The following PYGB variants were observed in gnomAD, a reference collection of about 807,000 sequenced individuals.
The protein encoded by PYGB is glycogen phosphorylase B, also known as glycogen phosphorylase, brain form.
PYGB carries 82 observed loss-of-function variants against 94.3 expected under a neutral mutation model. The observed-to-expected ratio is 0.87, with a 90% CI of 0.73 to 1.04. The LOEUF is 1.04. Among genes scored for constraint, PYGB ranks in the 50% least tolerant of loss-of-function variants. PYGB has a pLI of 0.00. For synonymous variants in PYGB, 488 were observed against 479.1 expected, an observed-to-expected ratio of 1.02 and a Z score of -0.24; for missense variants, 1,132 against 1,158.2, an observed-to-expected ratio of 0.98 and a Z score of 0.33.
At chr20:25,288,269 G>A (rs1275922021) in intron 14 of PYGB, 156 bp from the exon 15 acceptor site, 1 of 843,590 alleles carries the variant, frequency 1.2e-6, no homozygotes, top group Non-Finnish European at 2.0e-6. Context: ...GGTGGCCAGT[G>A]GCCCTGTGCC....
chr20:25,295,367 G>A (rs563082115), intron 18 of PYGB, among the ~76,000 whole-genome samples: 2 of 152,388 alleles, frequency 1.3e-5, no homozygotes, highest in Admixed American at 1.3e-4. Context: ...GGAGTGTTGG[G>A]TTGAAATAAG....
At chr20:25,249,101 G>GT (rs1246828557) in intron 1 of PYGB, among the ~76,000 whole-genome samples, 1 of 151,318 alleles carries the variant, frequency 6.6e-6, no homozygotes, top group Non-Finnish European at 1.5e-5. Context: ...GCAAAAATTT[G>GT]TTTGAGTAGT....
chr20:25,261,977 A>T (rs1196049788), intron 2 of PYGB, among the ~76,000 whole-genome samples: 2 of 152,214 alleles, frequency 1.3e-5, no homozygotes, highest in Admixed American at 1.3e-4. Context: ...ATATGGGACT[A>T]TGTGAAGAGA....
intron 2 of PYGB, among the ~76,000 whole-genome samples, chr20:25,265,895 G>A (rs960973677): frequency 1.3e-5 from 2 of 152,068 alleles, no homozygotes; most frequent in East Asian, 1.9e-4. Context: ...ATGCCCGGCC[G>A]ATTTTTGTTG....
intron 3 of PYGB, among the ~76,000 whole-genome samples, chr20:25,269,842 G>A (rs1374241675): frequency 6.6e-6 from 1 of 152,106 alleles, no homozygotes; most frequent in South Asian, 2.1e-4. Flanking sequence ...CCCCGGCCCC[G>A]AGACCTGCTT....
chr20:25,284,150 T>G lies in PYGB; in HGVS notation c.1667T>G (p.Val556Gly). The stretch of plus-strand genomic sequence containing the variant: ...GCCTTCCTGGAGAAGGAGTACAAGG[T>G]GAAGATCAACCCCTCCTCCATGTTC... ...FSAFLEKEYK[V>G]KINPSSMFDV... The change falls in exon 14 of 20, where the codon GTG becomes GGG. Residue 556 changes from valine to glycine, a missense_variant. Transcript: ENST00000216962. 5.0e-6 allele frequency: 8 copies of G among 1,613,912 alleles called. No individual in the cohort carries two copies. The highest frequency in any genetic ancestry group is 6.8e-6 in the Non-Finnish European group (8 of 1,179,944).
intron 18 of PYGB, chr20:25,294,872 C>T (rs1435271746): frequency 1.5e-5 from 21 of 1,359,402 alleles, no homozygotes; most frequent in Non-Finnish European, 2.0e-5. Context: ...TTGAATCCGG[C>T]GAGGGCTGGG....
In PYGB at chr20:25,280,364, G is replaced by A. The variant is rs2088354715; in HGVS notation, c.1191G>A (p.Leu397=). The change falls in exon 10 of 20, where the codon CTG becomes CTA. Residue 397 remains leucine, a synonymous_variant. Coordinates refer to ENST00000216962, the MANE Select transcript of PYGB (RefSeq NM_002862.4). ...RWPVSMFEKL[L]PRHLEIIYAI... ...CCGTGTCCATGTTTGAGAAGCTGCT[G>A]CCGCGGCACCTGGAGATAATCTATG... 1 of 1,614,096 alleles carries A rather than the reference G, an allele frequency of 6.2e-7. No homozygotes were observed. The highest frequency in any genetic ancestry group is 1.1e-5 in the South Asian group (1 of 91,090).
Position 25,292,578 on chromosome 20 carries a change from G to T in PYGB, c.2142G>T (p.Leu714=). The T allele has an allele frequency of 4.3e-6, 7 of 1,612,882 alleles. No homozygotes were observed. Among genetic ancestry groups the T allele is most frequent in the Non-Finnish European group, 5.9e-6 (7 of 1,179,974 alleles). Residue 714 remains leucine, a synonymous_variant, in exon 17 of 20, where the codon CTG becomes CTT. Transcript: ENST00000216962. ...CCGAGAACCTCTTCATCTTCGGCCT[G>T]CGGGTGGAGGATGTCGAGGCCTTGG... ...AGAENLFIFG[L]RVEDVEALDR...
rs1458984805 is a variant in PYGB at position 25,283,235 on chromosome 20, C to T, written c.1578C>T (p.Val526=). ...AGCTGAAGAAGCTGCTGCCGCTGGT[C>T]AGTGACGAGGTGTTCATCAGGGACG... ...LSQLKKLLPL[V]SDEVFIRDVA... Residue 526 remains valine, a synonymous_variant, in exon 13 of 20, where the codon GTC becomes GTT. Transcript: ENST00000216962. The T allele has an allele frequency of 6.2e-7, 1 of 1,613,860 alleles. No individual in the cohort carries two copies. The highest frequency in any genetic ancestry group is 8.5e-7 in the Non-Finnish European group (1 of 1,179,906).
At chr20:25,281,597 G>A (rs527239929) in intron 11 of PYGB, among the ~76,000 whole-genome samples, 2 of 152,234 alleles carry the variant, frequency 1.3e-5, no homozygotes, top group African/African-American at 2.4e-5. Context: ...CGGCGGGAGC[G>A]GAGGCTGTGC....
chr20:25,254,716 C>G (rs566743305), intron 1 of PYGB, among the ~76,000 whole-genome samples: 55 of 152,296 alleles, frequency 3.6e-4, no homozygotes, highest in African/African-American at 1.2e-3. Flanking sequence ...GTCCAGATCA[C>G]TTAGTGTAAG....
At chr20:25,286,237 C>T (rs1325944306) in intron 14 of PYGB, among the ~76,000 whole-genome samples, 1 of 152,218 alleles carries the variant, frequency 6.6e-6, no homozygotes, top group African/African-American at 2.4e-5. Context: ...GTTTGGTTTT[C>T]TGCTTCTGGG....
At chr20:25,270,633 G>C (rs1355560279) in intron 3 of PYGB, among the ~76,000 whole-genome samples, 2 of 152,084 alleles carry the variant, frequency 1.3e-5, no homozygotes, top group Admixed American at 6.5e-5. Flanking sequence ...GAGTAGCTGG[G>C]ACCACAGGCA....
chr20:25,289,013 C>T (rs948169289), intron 15 of PYGB, among the ~76,000 whole-genome samples: 1 of 152,208 alleles, frequency 6.6e-6, no homozygotes, highest in African/African-American at 2.4e-5. Flanking sequence ...TGGGGTGCAG[C>T]GTCCTTAGGA....
chr20:25,277,466 GCA>G (rs915556432), intron 7 of PYGB, 140 bp downstream of exon 7: 9 of 727,158 alleles, frequency 1.2e-5, no homozygotes, highest in Middle Eastern at 2.5e-4. Context: ...CGCCTTAGGT[GCA>G]CACACGATGC....
At chr20:25,288,648 A>T in intron 15 of PYGB, 165 bp downstream of exon 15, 1 of 773,372 alleles carries the variant, frequency 1.3e-6, no homozygotes, top group Non-Finnish European at 2.1e-6. Flanking sequence ...CCCTGTAGAG[A>T]GTCAGAATGG....
At chr20:25,274,761 C>T (rs951573749) in intron 5 of PYGB, 38 bp downstream of exon 5, 6 of 1,600,776 alleles carry the variant, frequency 3.7e-6, no homozygotes, top group South Asian at 1.1e-5. Flanking sequence ...AGGCTGGAGC[C>T]AGGTGAGGGG....
In PYGB at chr20:25,282,154, C is replaced by T. The variant is rs1176057602; in HGVS notation, c.1518+7C>T. On this transcript the variant is annotated splice_region_variant and intron_variant, in intron 12 of 19. Transcript: ENST00000216962. ...GGCCGATACCATCGTGGAGGTGAGTCCCGGGCCCCACCCGTGCCTGTGGAG... is the reference window on the plus strand; with the variant it reads ...GGCCGATACCATCGTGGAGGTGAGTTCCGGGCCCCACCCGTGCCTGTGGAG... 1.2e-6 allele frequency: 2 copies of T among 1,601,466 alleles called. No homozygotes were observed. Among genetic ancestry groups the T allele is most frequent in the Non-Finnish European group, 1.7e-6 (2 of 1,171,706 alleles).
Sources: allele counts gnomAD v4.1 joint callset (sites outside exome capture counted in the v4.1 genomes callset), GRCh38; gene constraint gnomAD v4.1.1; transcripts MANE v1.5; gene names NCBI Gene and HGNC (gene_info 2026-07-23, HGNC 2026-07-21).